CPNE4: variants seen among roughly 807,000 people sequenced by gnomAD.
CPNE4 encodes copine-4.
In CPNE4, 25 loss-of-function variants were observed where a neutral mutation model predicts 67.9. The ratio of observed to expected loss-of-function variants is 0.37; its 90% CI spans 0.27 to 0.51. The LOEUF is 0.51. CPNE4 is among the 20% of genes least tolerant of loss of function. The probability of loss-of-function intolerance (pLI) is 0.93; values close to 1 mark genes in which losing one functional copy is unlikely to be tolerated. For missense variants in CPNE4, 464 were observed against 690.8 expected (o/e 0.67, Z 3.68); for synonymous variants, 242 against 244.9 (o/e 0.99, Z 0.11).
intron 7 of CPNE4, among the ~76,000 whole-genome samples, chr3:131,638,018 A>G (rs937183633): frequency 2.6e-5 from 4 of 152,194 alleles, no homozygotes; most frequent in African/African-American, 9.7e-5. Flanking sequence ...TCAGCACTAC[A>G]AAAACTACAA....
intron 1 of CPNE4, among the ~76,000 whole-genome samples, chr3:131,936,698 G>A (rs931207695): frequency 6.6e-6 from 1 of 151,892 alleles, no homozygotes; most frequent in Non-Finnish European, 1.5e-5. Context: ...AAATGTCATG[G>A]ACATATGAAA....
intron 2 of CPNE4, among the ~76,000 whole-genome samples, chr3:131,869,825 A>G (rs57601826): frequency 0.075 from 11,493 of 152,292 alleles, 583 homozygotes; most frequent in East Asian, 0.17. Context: ...TTGAAAGCCA[A>G]CAACATACCA....
chr3:131,625,774 G>A (rs1008127113), intron 7 of CPNE4, among the ~76,000 whole-genome samples: 1 of 152,148 alleles, frequency 6.6e-6, no homozygotes, highest in Admixed American at 6.5e-5. Flanking sequence ...AACAATCAAT[G>A]CAGGCACACT....
chr3:131,589,436 C>T (rs1368999255), intron 7 of CPNE4, among the ~76,000 whole-genome samples: 1 of 152,222 alleles, frequency 6.6e-6, no homozygotes, highest in Non-Finnish European at 1.5e-5. Flanking sequence ...CCTTCTTCCA[C>T]CTGCTTTGTT....
intron 2 of CPNE4, among the ~76,000 whole-genome samples, chr3:131,857,027 C>T (rs910986807): frequency 1.3e-5 from 2 of 152,022 alleles, no homozygotes; most frequent in Non-Finnish European, 2.9e-5. Context: ...CAAGTATATA[C>T]ATTAGCATCC....
intron 1 of CPNE4, among the ~76,000 whole-genome samples, chr3:132,007,877 C>G (rs180738140): frequency 6.6e-6 from 1 of 152,188 alleles, no homozygotes; most frequent in African/African-American, 2.4e-5. Flanking sequence ...TCACTGCACC[C>G]GTCTTCCCTA....
intron 6 of CPNE4, among the ~76,000 whole-genome samples, chr3:131,684,495 T>C (rs111382921): frequency 5.9e-5 from 9 of 152,362 alleles, no homozygotes; most frequent in African/African-American, 2.2e-4. Context: ...ATCAACTTTG[T>C]ATCAGATGAT....
Position 131,612,589 on chromosome 3 carries a change from G to A in CPNE4, c.682-25007C>T, listed in dbSNP as rs541160131. ...CCTCTCTCTTGGCATCTCTCTCTTAGATCTAGACTAGGATGGCAAATACCG... is the reference window on the plus strand; with the variant it reads ...CCTCTCTCTTGGCATCTCTCTCTTAAATCTAGACTAGGATGGCAAATACCG... On this transcript the variant is annotated intron_variant, in intron 7 of 15. Coordinates refer to ENST00000429747, the MANE Select transcript of CPNE4 (RefSeq NM_130808.3). 8.5e-5 allele frequency among the ~76,000 whole-genome samples: 13 copies of A among 152,134 alleles called. No individual in the cohort carries two copies. The South Asian group carries it at 2.7e-3, about 32-fold the overall frequency.
In CPNE4 at chr3:131,951,904, G is replaced by A. The variant is rs1254387006; in HGVS notation, c.-1-46460C>T. On this transcript the variant is annotated intron_variant, in intron 1 of 15. Transcript: ENST00000429747. ...GGCTGGAGTGCAGTGGTGTGATCTCGGCTCGCTACAACCTCCACCTCCCAG... is the reference window on the plus strand; with the variant it reads ...GGCTGGAGTGCAGTGGTGTGATCTCAGCTCGCTACAACCTCCACCTCCCAG... 2.0e-4 allele frequency among the ~76,000 whole-genome samples: 30 copies of A among 152,158 alleles called. No individual in the cohort carries two copies. In the East Asian group the frequency reaches 5.4e-3, roughly 28 times the overall value.
At chr3:131,634,793 A>C (rs2079332490) in intron 7 of CPNE4, among the ~76,000 whole-genome samples, 1 of 152,180 alleles carries the variant, frequency 6.6e-6, no homozygotes, top group Non-Finnish European at 1.5e-5. Context: ...AGACTATCCT[A>C]GGTCTTATGT....
At chr3:131,951,556 C>T (rs1391494104) in intron 1 of CPNE4, among the ~76,000 whole-genome samples, 1 of 148,916 alleles carries the variant, frequency 6.7e-6, no homozygotes, top group East Asian at 1.9e-4. Flanking sequence ...TCTCCCTCTC[C>T]CTCTCTTTCC....
intron 15 of CPNE4, among the ~76,000 whole-genome samples, chr3:131,540,909 G>A (rs942234568): frequency 2.6e-5 from 4 of 152,120 alleles, no homozygotes; most frequent in Non-Finnish European, 4.4e-5. Flanking sequence ...GAGGGGACTC[G>A]GTAGCATGGA....
At chr3:131,925,789 C>G (rs1238111923) in intron 1 of CPNE4, among the ~76,000 whole-genome samples, 1 of 152,160 alleles carries the variant, frequency 6.6e-6, no homozygotes, top group Admixed American at 6.5e-5. Flanking sequence ...GACTGGGCAG[C>G]CTCCCCAGGG....
chr3:131,633,330 C>G (rs930095040), intron 7 of CPNE4, among the ~76,000 whole-genome samples: 1 of 152,110 alleles, frequency 6.6e-6, no homozygotes, highest in African/African-American at 2.4e-5. Flanking sequence ...CCACCCCCAT[C>G]CCTACCACAT....
chr3:131,954,545 G>T (rs571001794), intron 1 of CPNE4, among the ~76,000 whole-genome samples: 1 of 152,046 alleles, frequency 6.6e-6, no homozygotes, highest in Non-Finnish European at 1.5e-5. Flanking sequence ...TGTGCACAAC[G>T]TGCAGGTATA....
chr3:131,638,574 G>A (rs2079454927), intron 7 of CPNE4, among the ~76,000 whole-genome samples: 1 of 152,082 alleles, frequency 6.6e-6, no homozygotes, highest in Non-Finnish European at 1.5e-5. Context: ...CATATAGTGG[G>A]GGACTTTAAT....
intron 7 of CPNE4, among the ~76,000 whole-genome samples, chr3:131,655,201 A>C (rs778973478): frequency 6.6e-6 from 1 of 152,216 alleles, no homozygotes; most frequent in Non-Finnish European, 1.5e-5. Context: ...CATCAGCATC[A>C]TCTGGGAACT....
intron 13 of CPNE4, among the ~76,000 whole-genome samples, chr3:131,550,817 G>A (rs1334460482): frequency 6.6e-6 from 1 of 152,050 alleles, no homozygotes; most frequent in African/African-American, 2.4e-5. Context: ...CATTTAAAAG[G>A]GGGCTTCCAT....
intron 6 of CPNE4, among the ~76,000 whole-genome samples, chr3:131,674,071 G>T (rs961114363): frequency 1.3e-5 from 2 of 151,884 alleles, no homozygotes; most frequent in African/African-American, 4.8e-5. Context: ...ATTGAAATGA[G>T]CATATGATTT....
Sources: allele counts gnomAD v4.1 joint callset (sites outside exome capture counted in the v4.1 genomes callset), GRCh38; gene constraint gnomAD v4.1.1; transcripts MANE v1.5; gene names NCBI Gene and HGNC (gene_info 2026-07-23, HGNC 2026-07-21).